The following ZNF600 variants were observed in gnomAD, a reference collection of about 807,000 sequenced individuals.
The protein encoded by ZNF600 is zinc finger protein KR-ZNF1.
ZNF600 carries 4 observed loss-of-function variants against 7.3 expected under a neutral mutation model. The observed-to-expected ratio is 0.55, with a 90% CI of 0.27 to 1.25. The LOEUF is 1.25. Ranked by LOEUF, ZNF600 falls within the 50% of genes most tolerant of loss-of-function variation. ZNF600 has a pLI of 0.12. For synonymous variants in ZNF600, 290 were observed against 308.9 expected (o/e 0.94, Z 0.64); for missense variants, 911 against 922.1 (o/e 0.99, Z 0.16).
chr19:52,783,514 A>G (rs2062740174), intron 1 of ZNF600, among the ~76,000 whole-genome samples: 1 of 151,906 alleles, frequency 6.6e-6, no homozygotes. Flanking sequence ...GGCGCCCGCC[A>G]CCACGCCCGG....
chr19:52,772,894 C>T (rs1385750462), intron 3 of ZNF600, among the ~76,000 whole-genome samples: 5 of 152,172 alleles, frequency 3.3e-5, no homozygotes, highest in African/African-American at 9.7e-5. Context: ...CGCTGAGCTG[C>T]GCTGCTGACA....
chr19:52,804,815 A>G, the ZNF600 span, among the ~76,000 whole-genome samples: 9 of 152,180 alleles, frequency 5.9e-5, no homozygotes, highest in African/African-American at 2.2e-4. Context: ...AGTCTAAGCT[A>G]TTTCTAACAG....
chr19:52,778,952 TC>T, intron 1 of ZNF600, 45 bp from the exon 4 acceptor site: 1 of 1,536,556 alleles, frequency 6.5e-7, no homozygotes. Context: ...AATGACTCAC[TC>T]CCATCCTGTG....
chr19:52,800,253 A>C, the ZNF600 span: 1 of 1,610,124 alleles, frequency 6.2e-7, no homozygotes, highest in Non-Finnish European at 8.5e-7. Flanking sequence ...TGTACTAAAA[A>C]CCTTGCCACA....
At chr19:52,782,171 T>A (rs941315421) in intron 1 of ZNF600, among the ~76,000 whole-genome samples, 6 of 152,100 alleles carry the variant, frequency 3.9e-5, no homozygotes, top group African/African-American at 1.4e-4. Flanking sequence ...GCCGCTGCAC[T>A]GAGCTGTGAT....
chr19:52,777,877 G>A (rs2062689192), intron 2 of ZNF600, among the ~76,000 whole-genome samples: 1 of 152,034 alleles, frequency 6.6e-6, no homozygotes, highest in Admixed American at 6.6e-5. Flanking sequence ...CATACATACG[G>A]TGACCCATGC....
rs563469030 is a variant in ZNF600 at position 52,778,869 on chromosome 19, G to C, written c.20C>G (p.Ala7Gly). ...TGGCTCCTTTCCTTTCCTCTTCTGA[G>C]CTGCTTCTTCACATAACATGAGTCT... Residue 7 changes from alanine (A) to glycine (G), a missense_variant, in exon 2 of 4, where the codon GCT (alanine) becomes GGT (glycine). By Grantham distance (60) the Ala-to-Gly change is moderately conservative. Coordinates refer to ENST00000648973, the Ensembl canonical transcript of ZNF600. The C allele has an allele frequency of 2.7e-4, 430 of 1,606,628 alleles. 1 individual carries two copies. In the African/African-American group the frequency reaches 5.2e-3, roughly 19 times the overall value.
chr19:52,774,621 C>T (rs1167727785), exon 3 of ZNF600: 2 of 985,266 alleles, frequency 2.0e-6, no homozygotes, highest in African/African-American at 1.7e-5. Context: ...CTTCCCTGTA[C>T]AAAGCCCTCT....
chr19:52,769,730 G>A (rs1399412787), intron 3 of ZNF600, among the ~76,000 whole-genome samples: 1 of 152,036 alleles, frequency 6.6e-6, no homozygotes, highest in Non-Finnish European at 1.5e-5. Flanking sequence ...TGTGGGGCTG[G>A]TCCCTACAGA....
At chr19:52,771,348 CT>C (rs936474842) in intron 3 of ZNF600, among the ~76,000 whole-genome samples, 24 of 144,922 alleles carry the variant, frequency 1.7e-4, no homozygotes, top group African/African-American at 6.5e-4. Context: ...TCAGCTATTT[CT>C]TTTTTTTTGT....
At chr19:52,769,167 G>T (rs995901627) in intron 3 of ZNF600, among the ~76,000 whole-genome samples, 2 of 152,058 alleles carry the variant, frequency 1.3e-5, no homozygotes, top group African/African-American at 4.8e-5. Flanking sequence ...GGGAAAGGGA[G>T]TCTCCCTTTC....
intron 1 of ZNF600, among the ~76,000 whole-genome samples, chr19:52,786,134 G>A (rs1428883220): frequency 6.6e-6 from 1 of 152,128 alleles, no homozygotes; most frequent in African/African-American, 2.4e-5. Flanking sequence ...GCATCCCGTA[G>A]AAGCGCATTT....
At chr19:52,787,125 A>AAG (rs2062771216), upstream of ZNF600, among the ~76,000 whole-genome samples, 2 of 152,260 alleles carry the variant, frequency 1.3e-5, no homozygotes, top group African/African-American at 2.4e-5. Context: ...CCATTCACTC[A>AAG]GGAGGGAGGG....
chr19:52,823,479 G>C, the ZNF600 span, among the ~76,000 whole-genome samples: 11 of 152,126 alleles, frequency 7.2e-5, no homozygotes, highest in African/African-American at 2.7e-4. Flanking sequence ...GCCTCCCAAA[G>C]TGCTGAGACT....
the ZNF600 span, among the ~76,000 whole-genome samples, chr19:52,819,353 G>C: frequency 3.9e-3 from 566 of 145,518 alleles, 77 homozygotes; most frequent in African/African-American, 0.014. Context: ...CTCCGAAGAT[G>C]GTCTCTCTTT....
At position 52,767,412 on chromosome 19, in the gene ZNF600, G is replaced by A. The variant is rs570456747; in HGVS notation, c.551C>T (p.Thr184Ile). The A allele has an allele frequency of 8.7e-6, 14 of 1,614,128 alleles. No individual in the cohort carries two copies. The South Asian group carries it at 1.1e-4, about 13-fold the overall frequency. The stretch of plus-strand genomic sequence containing the variant: ...TGTTGAAACCGAGGGAGCATCACTG[G>A]TAGACTTCTCAAATTGATTACCAAT... Residue 184 changes from threonine (T) to isoleucine (I), a missense_variant, in exon 4 of 4, where the codon ACC (threonine) becomes ATC (isoleucine). Thr to Ile is a moderately conservative substitution (Grantham distance 89). Transcript: ENST00000648973.
At chr19:52,775,610 T>C (rs1289424996) in intron 2 of ZNF600, among the ~76,000 whole-genome samples, 3 of 149,294 alleles carry the variant, frequency 2.0e-5, no homozygotes, top group Non-Finnish European at 4.4e-5. Flanking sequence ...AGATATTATG[T>C]TCAACATACC....
intron 3 of ZNF600, among the ~76,000 whole-genome samples, chr19:52,769,432 CCCTCTCTCTG>C (rs1255768366): frequency 1.3e-5 from 2 of 152,206 alleles, no homozygotes; most frequent in Non-Finnish European, 2.9e-5. Context: ...CTCTCTCTCT[CCCTCTCTCTG>C]CCTCGGCTGC....
At chr19:52,800,855 C>T in the ZNF600 span, 1 of 1,613,936 alleles carries the variant, frequency 6.2e-7, no homozygotes. Flanking sequence ...TGTCACAAAC[C>T]TTACATTTGT....
Sources: gnomAD v4.1 joint callset for allele counts (sites outside exome capture counted in the v4.1 genomes callset) on GRCh38, gnomAD v4.1.1 for gene constraint, MANE v1.5 for transcripts, NCBI Gene and HGNC (gene_info 2026-07-23, HGNC 2026-07-21) for gene names.